The following CD151 variants were observed in gnomAD, a reference collection of about 807,000 sequenced individuals.
The protein encoded by CD151 is CD151 molecule (Raph blood group), also known as CD151 antigen.
CD151 carries 20 observed loss-of-function variants against 34.2 expected under a neutral mutation model. The observed-to-expected ratio is 0.58, with a 90% CI of 0.41 to 0.85. CD151 has a LOEUF of 0.85. Among genes scored for constraint, CD151 ranks in the 40% least tolerant of loss-of-function variants. The pLI, the probability that CD151 is intolerant of heterozygous loss-of-function variation, is 0.00. For missense variants in CD151, 306 were observed against 324.5 expected, an observed-to-expected ratio of 0.94 and a Z score of 0.44; for synonymous variants, 157 against 131.7, an observed-to-expected ratio of 1.19 and a Z score of -1.32.
chr11:836,916 C>T (rs1025416531), intron 5 of CD151, 73 bp downstream of exon 5: 58 of 1,330,284 alleles, frequency 4.4e-5, no homozygotes, highest in East Asian at 1.2e-4. Flanking sequence ...CATGCACACG[C>T]GTGGCTAGCC....
At position 836,264 on chromosome 11, in the gene CD151, C is replaced by T; in HGVS notation, c.98C>T (p.Ala33Val). Residue 33 changes from alanine to valine, a missense_variant, in exon 4 of 9, where the codon GCT (alanine) becomes GTT (valine). Physicochemically the swap from Ala to Val is moderately conservative, Grantham distance 64. Coordinates refer to ENST00000397420, the MANE Select transcript of CD151 (RefSeq NM_004357.5). Reference protein sequence around the residue: ...YNCCFWLAGLAVMAVGIWTLA... With the variant: ...YNCCFWLAGLVVMAVGIWTLA... ...TACTGCTTGTAGCTGGCTGGCCTGGCTGTCATGGCAGTGGGCATCTGGACG... is the reference window on the plus strand; with the variant it reads ...TACTGCTTGTAGCTGGCTGGCCTGGTTGTCATGGCAGTGGGCATCTGGACG... 6.2e-7 allele frequency: 1 copy of T among 1,606,494 alleles called. No homozygotes were observed. The highest frequency in any genetic ancestry group is 8.5e-7 in the Non-Finnish European group (1 of 1,175,944).
intron 7 of CD151, 119 bp downstream of exon 7, chr11:837,737 C>T: frequency 1.8e-6 from 2 of 1,108,618 alleles, no homozygotes; most frequent in Middle Eastern, 3.0e-4. Flanking sequence ...GGGGGTCACC[C>T]CAGTGGCCGG....
In CD151 at chr11:838,127, A is replaced by C. The variant is rs564090455; in HGVS notation, c.703-6A>C. On this transcript the variant is annotated splice_polypyrimidine_tract_variant and splice_region_variant and intron_variant, in intron 8 of 8. Transcript: ENST00000397420. ...TCTGCTTACGCCCACCCGGCTCTGC[A>C]CACAGGTCTTTGGCATGATCTTCAC... 1 of 1,613,056 alleles carries C rather than the reference A, an allele frequency of 6.2e-7. No homozygotes were observed. Among genetic ancestry groups the C allele is most frequent in the South Asian group, 1.1e-5 (1 of 91,072 alleles).
In CD151 at chr11:837,506, A is replaced by G. The variant is rs937119367; in HGVS notation, c.503A>G (p.Glu168Gly). ...SNNSQDWRDS[E>G]WIRSQEAGGR... ...AACTCACAGGACTGGCGAGACAGTGAGTGGATCCGCTCACAGGAGGCCGGT... is the reference window on the plus strand; with the variant it reads ...AACTCACAGGACTGGCGAGACAGTGGGTGGATCCGCTCACAGGAGGCCGGT... The change falls in exon 7 of 9, where the codon GAG (glutamate) becomes GGG (glycine). Residue 168 changes from glutamate to glycine, a missense_variant. Coordinates refer to ENST00000397420, the MANE Select transcript of CD151 (RefSeq NM_004357.5). 1 of 1,612,986 alleles carries G rather than the reference A, an allele frequency of 6.2e-7. No individual in the cohort carries two copies. Among genetic ancestry groups the G allele is most frequent in the Admixed American group, 1.7e-5 (1 of 60,022 alleles).
At chr11:836,909 G>C in intron 5 of CD151, 66 bp downstream of exon 5, 1 of 1,394,158 alleles carries the variant, frequency 7.2e-7, no homozygotes, top group Non-Finnish European at 1.0e-6. Flanking sequence ...ACACACACAT[G>C]CACACGCGTG....
At position 833,008 on chromosome 11, in the gene CD151, G is replaced by T; in HGVS notation, c.-88G>T. The T allele has an allele frequency of 8.2e-6, 1 of 121,448 alleles. No homozygotes were observed. Among genetic ancestry groups the T allele is most frequent in the South Asian group, 2.1e-4 (1 of 4,734 alleles). 7.5% of individuals were successfully genotyped at this position (121,448 alleles called of 1,614,324 possible). A position where few individuals can be genotyped will look rare whatever the true frequency, so the allele number is the denominator to read the frequency against. On this transcript the variant is annotated 5_prime_UTR_variant, in exon 1 of 9. Transcript: ENST00000397420. ...GCTGCTGCCGCCGCCGCCAGGGCCC[G>T]GACTCGGACGCGTGGTAGGTGAGTG...
chr11:836,181 C>T (rs1283728902), intron 3 of CD151, 28 bp downstream of exon 3: 27 of 1,382,064 alleles, frequency 2.0e-5, no homozygotes, highest in Non-Finnish European at 2.8e-5. Context: ...TGCCCCCACC[C>T]CCACCCCCAC....
chr11:833,893 G>A (rs1846654970), intron 1 of CD151: 2 of 97,980 alleles, frequency 2.0e-5, no homozygotes, highest in Admixed American at 2.5e-4. Flanking sequence ...CGTGTATTTA[G>A]GCCCTGGCTC....
At chr11:835,159 G>C (rs569950394) in intron 2 of CD151, 1 of 152,182 alleles carries the variant, frequency 6.6e-6, no homozygotes, top group East Asian at 1.9e-4. Context: ...CAGTGATGGC[G>C]GGAGGTCCTC....
At position 837,261 on chromosome 11, in the gene CD151, GCTCAAGGAGAAC is replaced by G; in HGVS notation, c.366_377del (p.Glu124_Lys127del). On this transcript the variant is annotated inframe_deletion, in exon 6 of 9. Transcript: ENST00000397420. ...CACCCCAACCCCAGCTGAACACGGAGCTCAAGGAGAACCTGAAGGACACCATGACCAAGCGCT... is the reference window on the plus strand; with the variant it reads ...CACCCCAACCCCAGCTGAACACGGAGCTGAAGGACACCATGACCAAGCGCT... 6.2e-7 allele frequency: 1 copy of G among 1,612,932 alleles called. No individual in the cohort carries two copies. The highest frequency in any genetic ancestry group is 1.1e-5 in the South Asian group (1 of 91,086).
intron 7 of CD151, 28 bp downstream of exon 7, chr11:837,646 A>T: frequency 1.3e-6 from 2 of 1,581,812 alleles, no homozygotes; most frequent in Non-Finnish European, 1.7e-6. Context: ...TCATGCCTCC[A>T]GTGTCTACGA....
intron 5 of CD151, 171 bp from the exon 6 acceptor site, chr11:837,079 G>C: frequency 1.5e-6 from 1 of 667,752 alleles, no homozygotes; most frequent in Non-Finnish European, 2.7e-6. Context: ...TGTCACCCTG[G>C]TGACGGTCCT....
At chr11:837,817 C>A in intron 7 of CD151, 125 bp from the exon 8 acceptor site, 1 of 866,568 alleles carries the variant, frequency 1.2e-6, no homozygotes, top group Non-Finnish European at 1.8e-6. Flanking sequence ...GCTGGCTGAG[C>A]TGTTGGTGGC....
At chr11:835,966 C>A in intron 2 of CD151, 97 bp from the exon 3 acceptor site, 1 of 732,350 alleles carries the variant, frequency 1.4e-6, no homozygotes. Context: ...GGATTACAGG[C>A]GTGAGCCACC....
At position 837,926 on chromosome 11, in the gene CD151, C is replaced by A. The variant is rs761052755; in HGVS notation, c.616-16C>A. 4 of 1,600,162 alleles carry A rather than the reference C, an allele frequency of 2.5e-6. No homozygotes were observed. The highest frequency in any genetic ancestry group is 4.5e-5 in the East Asian group (2 of 44,542). On this transcript the variant is annotated splice_polypyrimidine_tract_variant and intron_variant, in intron 7 of 8. Transcript: ENST00000397420. Reference sequence around the variant, plus strand: ...GCCCCCTGGGCCCGCCTTCAACACCCATCCGCGCCCCGCAGGGCGGCTGCA... The same window carrying A: ...GCCCCCTGGGCCCGCCTTCAACACCAATCCGCGCCCCGCAGGGCGGCTGCA...
intron 2 of CD151, chr11:835,382 A>T (rs1236623513): frequency 6.6e-6 from 1 of 152,222 alleles, no homozygotes; most frequent in Non-Finnish European, 1.5e-5. Flanking sequence ...ACTGTCGCCC[A>T]GCCTGGAGTG....
intron 7 of CD151, 36 bp downstream of exon 7, chr11:837,654 CGAG>C (rs1565118880): frequency 6.5e-7 from 1 of 1,540,678 alleles, no homozygotes; most frequent in East Asian, 2.4e-5. Context: ...CCAGTGTCTA[CGAG>C]GTGGTGGGGG....
Position 837,371 on chromosome 11 carries a change from G to A in CD151, c.456+17G>A. ...CAGCAGGAGGTGGGTGGGTGGTGCT[G>A]GGAGGGCGCGTGCATCCCCAGGGCC... On this transcript the variant is annotated intron_variant, in intron 6 of 8. Coordinates refer to ENST00000397420, the MANE Select transcript of CD151 (RefSeq NM_004357.5). 6.2e-7 allele frequency: 1 copy of A among 1,611,330 alleles called. No homozygotes were observed. The highest frequency in any genetic ancestry group is 1.7e-5 in the Admixed American group (1 of 59,992).
rs1303298468 is a variant in CD151, at chr11:838,207, TTGC to T, written c.*25_*27del. 1.9e-6 allele frequency: 3 copies of T among 1,609,294 alleles called. No individual in the cohort carries two copies. The highest frequency in any genetic ancestry group is 2.5e-6 in the Non-Finnish European group (3 of 1,176,518). ...AGCACTACTGACCCTGCCTTGGGCCTTGCTGCTGCTGCACCCAACTACTGAGCT... is the reference window on the plus strand; with the variant it reads ...AGCACTACTGACCCTGCCTTGGGCCTTGCTGCTGCACCCAACTACTGAGCT... On this transcript the variant is annotated 3_prime_UTR_variant, in exon 9 of 9. Coordinates refer to ENST00000397420, the MANE Select transcript of CD151 (RefSeq NM_004357.5).
Sources: allele counts gnomAD v4.1 joint callset, GRCh38; gene constraint gnomAD v4.1.1; transcripts MANE v1.5; gene names NCBI Gene and HGNC (gene_info 2026-07-23, HGNC 2026-07-21).